The following SLC10A7 variants were observed in gnomAD, a reference collection of about 807,000 sequenced individuals.
SLC10A7 encodes sodium/bile acid cotransporter 7.
SLC10A7 carries 29 observed loss-of-function variants against 43.2 expected under a neutral mutation model. The observed-to-expected ratio is 0.67, with a 90% confidence interval of 0.50 to 0.92. The LOEUF is 0.92. Ranked by LOEUF, SLC10A7 falls within the 40% of genes least tolerant of loss-of-function variation. SLC10A7 has a pLI of 0.00. For missense variants in SLC10A7, 295 were observed against 403.2 expected (o/e 0.73, Z 2.30); for synonymous variants, 152 against 144.8 (o/e 1.05, Z -0.35).
intron 5 of SLC10A7, among the ~76,000 whole-genome samples, chr4:146,398,844 G>A (rs1218756318): frequency 6.6e-6 from 1 of 152,204 alleles, no homozygotes; most frequent in African/African-American, 2.4e-5. Flanking sequence ...TGCTCTAGCT[G>A]AATCCTAGAA....
chr4:146,491,036 G>A (rs1025075741), intron 4 of SLC10A7, among the ~76,000 whole-genome samples: 1 of 152,230 alleles, frequency 6.6e-6, no homozygotes, highest in Non-Finnish European at 1.5e-5. Flanking sequence ...TTAAGGGTGA[G>A]TGTCACAACA....
At chr4:146,312,765 G>A (rs892108106) in intron 6 of SLC10A7, among the ~76,000 whole-genome samples, 1 of 152,140 alleles carries the variant, frequency 6.6e-6, no homozygotes, top group Admixed American at 6.6e-5. Flanking sequence ...AAGATGAAAA[G>A]GTTACTTTCT....
At chr4:146,506,434 G>T (rs947323215) in intron 3 of SLC10A7, among the ~76,000 whole-genome samples, 3 of 152,144 alleles carry the variant, frequency 2.0e-5, no homozygotes, top group Admixed American at 1.3e-4. Context: ...GAGTGGTGCT[G>T]CCTCCTCAAG....
intron 10 of SLC10A7, among the ~76,000 whole-genome samples, chr4:146,273,786 C>T (rs1729038470): frequency 6.6e-6 from 1 of 151,942 alleles, no homozygotes; most frequent in Admixed American, 6.6e-5. Context: ...CTGTGGACTG[C>T]CCTGGGAACT....
chr4:146,314,695 GGT>G (rs1483349142), intron 6 of SLC10A7, among the ~76,000 whole-genome samples: 1 of 152,064 alleles, frequency 6.6e-6, no homozygotes, highest in African/African-American at 2.4e-5. Flanking sequence ...TTTCAGCAGT[GGT>G]CAAAGCTTGC....
chr4:146,289,706 GTT>G (rs776153195), intron 9 of SLC10A7, among the ~76,000 whole-genome samples: 68 of 88,068 alleles, frequency 7.7e-4, no homozygotes, highest in East Asian at 1.2e-3. Flanking sequence ...CTGATTATTA[GTT>G]TTTTTTTTTT....
At chr4:146,304,462 T>C (rs558684737) in intron 7 of SLC10A7, among the ~76,000 whole-genome samples, 3 of 152,232 alleles carry the variant, frequency 2.0e-5, no homozygotes, top group South Asian at 4.2e-4. Context: ...TTTGTTCTCG[T>C]TGGTTTCAAA....
At chr4:146,442,727 T>C in intron 5 of SLC10A7, 56 bp downstream of exon 5, 2 of 1,584,770 alleles carry the variant, frequency 1.3e-6, no homozygotes, top group Non-Finnish European at 1.7e-6. Context: ...AAATCTTTCA[T>C]ATACACAATA....
rs144901489 is a variant in SLC10A7, at chr4:146,384,204, T to C, written c.436-58208A>G. Reference sequence around the variant, plus strand: ...TCTTTTATTTCATGCTCAAAACTGCTATTTGGTGGATTAATACAGAATATA... The same window carrying C: ...TCTTTTATTTCATGCTCAAAACTGCCATTTGGTGGATTAATACAGAATATA... On this transcript the variant is annotated intron_variant, in intron 5 of 11. Transcript: ENST00000335472. Among the ~76,000 whole-genome samples the C allele has an allele frequency of 3.9e-5, 6 of 152,274 alleles. No individual in the cohort carries two copies. In the East Asian group the frequency reaches 1.2e-3, roughly 29 times the overall value.
chr4:146,414,030 A>T (rs1728385638), intron 5 of SLC10A7, among the ~76,000 whole-genome samples: 1 of 152,160 alleles, frequency 6.6e-6, no homozygotes, highest in African/African-American at 2.4e-5. Flanking sequence ...ATTCAGAAAG[A>T]CATGAAAGAG....
At chr4:146,266,877 G>T (rs887147112) in intron 10 of SLC10A7, among the ~76,000 whole-genome samples, 3 of 152,098 alleles carry the variant, frequency 2.0e-5, no homozygotes, top group African/African-American at 7.2e-5. Flanking sequence ...CACCTACTTT[G>T]TCAGTTTTTG....
intron 10 of SLC10A7, among the ~76,000 whole-genome samples, chr4:146,281,252 A>G (rs1032080359): frequency 3.3e-5 from 5 of 152,174 alleles, no homozygotes; most frequent in African/African-American, 1.2e-4. Flanking sequence ...CACTGTTCAC[A>G]CTGCTGTGTG....
At chr4:146,496,745 C>T (rs576604926) in intron 4 of SLC10A7, among the ~76,000 whole-genome samples, 42 of 152,262 alleles carry the variant, frequency 2.8e-4, no homozygotes, top group Non-Finnish European at 5.3e-4. Context: ...TTTCTGAAAT[C>T]ACCCATGTCA....
intron 5 of SLC10A7, among the ~76,000 whole-genome samples, chr4:146,341,360 C>T (rs1438954548): frequency 6.6e-6 from 1 of 151,506 alleles, no homozygotes; most frequent in African/African-American, 2.4e-5. Flanking sequence ...TAAGAATAGG[C>T]AAAACCAAAC....
At chr4:146,324,287 T>C (rs1732952493) in intron 6 of SLC10A7, among the ~76,000 whole-genome samples, 4 of 152,180 alleles carry the variant, frequency 2.6e-5, no homozygotes, top group Admixed American at 2.6e-4. Context: ...CCCATCAAGC[T>C]ACCAATGACT....
At chr4:146,507,320 G>A (rs958868036) in intron 3 of SLC10A7, among the ~76,000 whole-genome samples, 1 of 152,174 alleles carries the variant, frequency 6.6e-6, no homozygotes, top group African/African-American at 2.4e-5. Context: ...CCAGCACTTT[G>A]GGAGGCTGAG....
At chr4:146,512,899 G>A (rs888532702) in intron 2 of SLC10A7, among the ~76,000 whole-genome samples, 3 of 151,972 alleles carry the variant, frequency 2.0e-5, no homozygotes, top group South Asian at 2.1e-4. Flanking sequence ...TGACACATCC[G>A]TACAACAGAA....
rs140367666 is a variant in SLC10A7 at position 146,378,472 on chromosome 4, C to T, written c.436-52476G>A. ...AAGAGACACAATCAACCAAGATTACCAGGGTGCTAAGGACAGCCTAGACTG... is the reference window on the plus strand; with the variant it reads ...AAGAGACACAATCAACCAAGATTACTAGGGTGCTAAGGACAGCCTAGACTG... On this transcript the variant is annotated intron_variant, in intron 5 of 11. Coordinates refer to ENST00000335472, the MANE Select transcript of SLC10A7 (RefSeq NM_001029998.6). Among the ~76,000 whole-genome samples the T allele has an allele frequency of 1.0e-3, 153 of 152,222 alleles. 1 individual carries two copies. In the South Asian group the frequency reaches 0.012, roughly 12 times the overall value.
chr4:146,419,692 C>A (rs1281397839), intron 5 of SLC10A7, among the ~76,000 whole-genome samples: 1 of 151,860 alleles, frequency 6.6e-6, no homozygotes. Flanking sequence ...AAAAATTAGC[C>A]AGGCATGGTG....
Sources: gnomAD v4.1 joint callset for allele counts (sites outside exome capture counted in the v4.1 genomes callset) on GRCh38, gnomAD v4.1.1 for gene constraint, MANE v1.5 for transcripts, NCBI Gene and HGNC (gene_info 2026-07-23, HGNC 2026-07-21) for gene names.